The following ALK variants were observed in gnomAD, a reference collection of about 807,000 sequenced individuals.
ALK encodes the protein ALK tyrosine kinase receptor.
In ALK, 74 loss-of-function variants were observed where a neutral mutation model predicts 163.1. That is an observed-to-expected ratio of 0.45 (90% confidence interval 0.38 to 0.55). The LOEUF (loss-of-function observed/expected upper bound fraction) is 0.55. Among genes scored for constraint, ALK ranks in the 20% least tolerant of loss-of-function variants. ALK has a pLI of 0.00. For missense variants in ALK, 2,063 were observed against 2,105.3 expected (o/e 0.98, Z 0.39); for synonymous variants, 960 against 843.2 (o/e 1.14, Z -2.40).
intron 2 of ALK, among the ~76,000 whole-genome samples, 180 bp from the exon 3 acceptor site, chr2:29,695,194 A>T (rs1678518506): frequency 6.6e-6 from 1 of 152,182 alleles, no homozygotes; most frequent in Non-Finnish European, 1.5e-5. Context: ...AAGAGAATAA[A>T]ATGTGCTCTT....
chr2:29,313,132 G>A (rs6708738), intron 8 of ALK, among the ~76,000 whole-genome samples: 24,228 of 152,198 alleles, frequency 0.16, 2,059 homozygotes, highest in Non-Finnish European at 0.18. Flanking sequence ...GCTCTGATAG[G>A]GGCTTGCTTG....
chr2:29,211,775 G>GATTTGATTGAT (rs1553391880), intron 24 of ALK, among the ~76,000 whole-genome samples: 2 of 115,844 alleles, frequency 1.7e-5, no homozygotes, highest in Non-Finnish European at 4.1e-5. Flanking sequence ...GCCCCAGAAG[G>GATTTGATTGAT]ACAGTTTCTG....
chr2:29,643,723 A>G (rs1469049009), intron 3 of ALK, among the ~76,000 whole-genome samples: 1 of 152,160 alleles, frequency 6.6e-6, no homozygotes, highest in Non-Finnish European at 1.5e-5. Flanking sequence ...GCATACTATA[A>G]CAATCGAAAT....
intron 4 of ALK, among the ~76,000 whole-genome samples, chr2:29,501,652 C>T (rs1672191717): frequency 6.6e-6 from 1 of 152,198 alleles, no homozygotes; most frequent in Admixed American, 6.5e-5. Flanking sequence ...GGATTTCTTG[C>T]TAGCCCTTTT....
chr2:29,560,325 A>G (rs940082309), intron 3 of ALK, among the ~76,000 whole-genome samples: 6 of 152,332 alleles, frequency 3.9e-5, no homozygotes, highest in Admixed American at 2.6e-4. Context: ...CAAAAACACT[A>G]GGCTAAATGA....
At chr2:29,582,795 A>AT (rs1043501493) in intron 3 of ALK, among the ~76,000 whole-genome samples, 1 of 151,806 alleles carries the variant, frequency 6.6e-6, no homozygotes, top group African/African-American at 2.4e-5. Context: ...GAGAACTAGA[A>AT]TTTTTTTCCA....
chr2:29,576,809 T>C (rs1674537271), intron 3 of ALK, among the ~76,000 whole-genome samples: 2 of 151,920 alleles, frequency 1.3e-5, no homozygotes, highest in African/African-American at 2.4e-5. Context: ...GGGATCTAGG[T>C]TGCATGCTCC....
At chr2:29,694,305 G>A (rs1159951946) in intron 3 of ALK, among the ~76,000 whole-genome samples, 3 of 152,314 alleles carry the variant, frequency 2.0e-5, no homozygotes, top group Non-Finnish European at 4.4e-5. Flanking sequence ...TGTCGCCTGA[G>A]TATTTATGAA....
chr2:29,348,230 G>T (rs1668010096), intron 5 of ALK, among the ~76,000 whole-genome samples: 1 of 152,152 alleles, frequency 6.6e-6, no homozygotes, highest in South Asian at 2.1e-4. Flanking sequence ...GGCTGACTTG[G>T]CATACTCGAC....
At chr2:29,258,627 G>A (rs1055518008) in intron 11 of ALK, among the ~76,000 whole-genome samples, 1 of 152,168 alleles carries the variant, frequency 6.6e-6, no homozygotes, top group African/African-American at 2.4e-5. Flanking sequence ...ATGAATCCAT[G>A]AATTTAAACA....
At chr2:29,239,924 G>C (rs1245691024) in intron 12 of ALK, 94 bp from the exon 13 acceptor site, 2 of 1,439,830 alleles carry the variant, frequency 1.4e-6, no homozygotes, top group Admixed American at 3.9e-5. Flanking sequence ...TAAGCACATC[G>C]CCATCGTGGT....
At chr2:29,895,014 G>A (rs1230671615) in intron 1 of ALK, among the ~76,000 whole-genome samples, 1 of 152,126 alleles carries the variant, frequency 6.6e-6, no homozygotes, top group Non-Finnish European at 1.5e-5. Context: ...GTCAAGTCAT[G>A]TGCTCCATAT....
chr2:29,210,162 T>A (rs1157917097), intron 24 of ALK, among the ~76,000 whole-genome samples: 1 of 152,134 alleles, frequency 6.6e-6, no homozygotes, highest in East Asian at 1.9e-4. Context: ...ATTAGCCTTT[T>A]ACTAGGTGCT....
chr2:29,475,263 T>G (rs1671485044), intron 4 of ALK, among the ~76,000 whole-genome samples: 1 of 152,264 alleles, frequency 6.6e-6, no homozygotes, highest in Middle Eastern at 3.4e-3. Context: ...ACCTCAGGCC[T>G]CAGGGAGCTC....
chr2:29,805,603 CTGTTCCTG>C (rs1303642485), intron 1 of ALK, among the ~76,000 whole-genome samples: 1 of 152,148 alleles, frequency 6.6e-6, no homozygotes. Flanking sequence ...ATTTGGTTTC[CTGTTCCTG>C]TGTTACTTTG....
intron 3 of ALK, among the ~76,000 whole-genome samples, chr2:29,572,551 C>T (rs1343376444): frequency 1.3e-5 from 2 of 152,156 alleles, no homozygotes; most frequent in Admixed American, 6.5e-5. Context: ...AAATCCATCC[C>T]CTTTGTGGCG....
At chr2:29,845,517 C>T (rs1242565361) in intron 1 of ALK, among the ~76,000 whole-genome samples, 1 of 152,122 alleles carries the variant, frequency 6.6e-6, no homozygotes, top group Non-Finnish European at 1.5e-5. Flanking sequence ...TCACTGCAAC[C>T]TCCACCCCCC....
At chr2:29,644,664 G>T (rs1309497170) in intron 3 of ALK, among the ~76,000 whole-genome samples, 2 of 151,826 alleles carry the variant, frequency 1.3e-5, no homozygotes, top group Non-Finnish European at 2.9e-5. Flanking sequence ...ATTTATAGAA[G>T]TTTATACCCC....
chr2:29,644,722 T>TA lies in ALK; in HGVS notation c.952+50127dup, dbSNP rs78044734. Reference sequence around the variant, plus strand: ...TGTCTCCGACACAGATGGAAGACCTTAAAAAAAAACAAAAAGCTCAACCTT... The same window carrying TA: ...TGTCTCCGACACAGATGGAAGACCTTAAAAAAAAAACAAAAAGCTCAACCTT... On this transcript the variant is annotated intron_variant, in intron 3 of 28. Transcript: ENST00000389048. Among the ~76,000 whole-genome samples, 18 of 151,546 alleles carry TA rather than the reference T, an allele frequency of 1.2e-4. 1 individual carries two copies. The highest frequency in any genetic ancestry group is 1.8e-4 in the Non-Finnish European group (12 of 67,866).
Sources: gnomAD v4.1 joint callset for allele counts (sites outside exome capture counted in the v4.1 genomes callset) on GRCh38, gnomAD v4.1.1 for gene constraint, MANE v1.5 for transcripts, NCBI Gene and HGNC (gene_info 2026-07-23, HGNC 2026-07-21) for gene names.